Variants in CALD1 observed in about 807,000 individuals in gnomAD.
CALD1 encodes the protein caldesmon.
A neutral mutation model predicts 99.9 loss-of-function variants in CALD1; 33 were observed. The observed-to-expected ratio is 0.33, with a 90% confidence interval of 0.25 to 0.44. CALD1 has a LOEUF of 0.44. Among genes scored for constraint, CALD1 ranks in the 20% least tolerant of loss-of-function variants. The probability of loss-of-function intolerance (pLI) is 1.00; values close to 1 mark genes in which losing one functional copy is unlikely to be tolerated. For missense variants in CALD1, 861 were observed against 962.1 expected (o/e 0.89, Z 1.39); for synonymous variants, 310 against 325.0 (o/e 0.95, Z 0.50).
chr7:134,749,439 G>A (rs1796665515), intron 1 of CALD1, among the ~76,000 whole-genome samples: 1 of 152,180 alleles, frequency 6.6e-6, no homozygotes, highest in Non-Finnish European at 1.5e-5. Flanking sequence ...GGCCAACATG[G>A]TGAAACCCCA....
chr7:134,873,393 C>T (rs1243115361), intron 3 of CALD1, among the ~76,000 whole-genome samples: 1 of 152,174 alleles, frequency 6.6e-6, no homozygotes, highest in African/African-American at 2.4e-5. Context: ...CATCTGCACT[C>T]CTAATCTGTC....
intron 9 of CALD1, among the ~76,000 whole-genome samples, chr7:134,951,443 A>C (rs1807330530): frequency 6.6e-6 from 1 of 152,264 alleles, no homozygotes; most frequent in South Asian, 2.1e-4. Context: ...GAGACATCTA[A>C]AATTTATAAA....
At chr7:134,719,516 C>T in the CALD1 span, among the ~76,000 whole-genome samples, 1 of 152,030 alleles carries the variant, frequency 6.6e-6, no homozygotes, top group African/African-American at 2.4e-5. Context: ...GGGCTAGAGT[C>T]CAGGGAAATG....
In CALD1 at chr7:134,891,581, C is replaced by G. The variant is rs114957651; in HGVS notation, c.71+23777C>G. The G allele has an allele frequency of 3.3e-4, 524 of 1,591,868 alleles. 2 individuals carry two copies. The African/African-American group carries it at 6.3e-3, about 19-fold the overall frequency. On this transcript the variant is annotated intron_variant, in intron 3 of 14. Transcript: ENST00000361675. The stretch of plus-strand genomic sequence containing the variant: ...CTGACCGCCCGGCCTGGCCAGGTCT[C>G]CGTATCTCTCTGCCCCGCCGCCCCT...
At chr7:134,831,110 T>C (rs965412827) in intron 1 of CALD1, among the ~76,000 whole-genome samples, 3 of 152,224 alleles carry the variant, frequency 2.0e-5, no homozygotes, top group African/African-American at 7.2e-5. Context: ...AATGATTACA[T>C]ATAACTGTAA....
chr7:134,784,144 T>C (rs1278671634), intron 1 of CALD1, among the ~76,000 whole-genome samples: 1 of 152,230 alleles, frequency 6.6e-6, no homozygotes, highest in Non-Finnish European at 1.5e-5. Flanking sequence ...GTATAAATGA[T>C]GTATAACTTG....
intron 3 of CALD1, among the ~76,000 whole-genome samples, chr7:134,920,032 T>C (rs571288715): frequency 3.9e-5 from 6 of 152,328 alleles, no homozygotes; most frequent in Admixed American, 6.5e-5. Flanking sequence ...CCACAACATT[T>C]TGCAGACACC....
At chr7:134,808,077 T>C (rs547286212) in intron 1 of CALD1, among the ~76,000 whole-genome samples, 56 of 150,214 alleles carry the variant, frequency 3.7e-4, no homozygotes, top group African/African-American at 1.2e-3. Flanking sequence ...GCCTGTTCCA[T>C]ACATTTGGTA....
chr7:134,788,104 T>C (rs920776979), intron 1 of CALD1, among the ~76,000 whole-genome samples: 2 of 152,204 alleles, frequency 1.3e-5, no homozygotes, highest in Non-Finnish European at 2.9e-5. Flanking sequence ...GAGCCAGTTG[T>C]AAAACACAGC....
intron 2 of CALD1, among the ~76,000 whole-genome samples, chr7:134,856,749 C>A (rs1199545787): frequency 6.6e-6 from 1 of 152,152 alleles, no homozygotes; most frequent in African/African-American, 2.4e-5. Context: ...AGAAAAACAA[C>A]CACAACTACA....
intron 3 of CALD1, among the ~76,000 whole-genome samples, chr7:134,924,931 C>T (rs990454589): frequency 6.6e-6 from 1 of 152,100 alleles, no homozygotes; most frequent in African/African-American, 2.4e-5. Context: ...TTCCTGCCAC[C>T]TAGTGAAGAA....
At chr7:134,917,552 G>T (rs549400423) in intron 3 of CALD1, among the ~76,000 whole-genome samples, 1 of 152,206 alleles carries the variant, frequency 6.6e-6, no homozygotes, top group African/African-American at 2.4e-5. Context: ...GTTTCACCAT[G>T]TTGGCCAGGC....
the CALD1 span, among the ~76,000 whole-genome samples, chr7:134,737,492 A>T: frequency 2.0e-5 from 3 of 150,110 alleles, no homozygotes; most frequent in Non-Finnish European, 2.9e-5. Flanking sequence ...TTAGTTCTTT[A>T]AAAAAAAATC....
intron 3 of CALD1, among the ~76,000 whole-genome samples, chr7:134,876,374 T>TA (rs1257093918): frequency 2.0e-5 from 3 of 152,222 alleles, no homozygotes. Context: ...TTGCTATATG[T>TA]AAAAAAGTCT....
chr7:134,860,372 G>A (rs1476321652), intron 2 of CALD1, among the ~76,000 whole-genome samples: 1 of 152,206 alleles, frequency 6.6e-6, no homozygotes, highest in African/African-American at 2.4e-5. Context: ...GGTACAGTCG[G>A]AAAGAAAGTG....
chr7:134,728,145 A>G, the CALD1 span, among the ~76,000 whole-genome samples: 3 of 105,854 alleles, frequency 2.8e-5, 1 homozygote, highest in Admixed American at 3.2e-4. Context: ...ATAATACTCA[A>G]TGTAGAGAAT....
At chr7:134,941,693 C>T (rs992401965) in intron 7 of CALD1, among the ~76,000 whole-genome samples, 12 of 152,088 alleles carry the variant, frequency 7.9e-5, no homozygotes, top group African/African-American at 2.7e-4. Context: ...TGTTTTGTGG[C>T]GAAATACTTG....
rs138641150 is a variant in CALD1, at chr7:134,793,395, T to G, written c.-130+13646T>G. Reference sequence around the variant, plus strand: ...TCTATCTATCCTTAAATTTTTATACTTTTTCTCTCAACAGTCCTCCTCACT... The same window carrying G: ...TCTATCTATCCTTAAATTTTTATACGTTTTCTCTCAACAGTCCTCCTCACT... On this transcript the variant is annotated intron_variant, in intron 1 of 14. Coordinates refer to ENST00000361675, the MANE Select transcript of CALD1 (RefSeq NM_033138.4). Among the ~76,000 whole-genome samples, 538 of 152,370 alleles carry G rather than the reference T, an allele frequency of 3.5e-3. 7 individuals carry two copies. Among genetic ancestry groups the G allele is most frequent in the African/African-American group, 0.012 (519 of 41,596 alleles).
chr7:134,892,617 A>G (rs1232771664), intron 3 of CALD1, among the ~76,000 whole-genome samples: 1 of 152,246 alleles, frequency 6.6e-6, no homozygotes, highest in Non-Finnish European at 1.5e-5. Context: ...CCATTACATT[A>G]GCAGATCTCT....
Sources: allele counts gnomAD v4.1 joint callset (sites outside exome capture counted in the v4.1 genomes callset), GRCh38; gene constraint gnomAD v4.1.1; transcripts MANE v1.5; gene names NCBI Gene and HGNC (gene_info 2026-07-23, HGNC 2026-07-21).